Variants in EML1 observed in about 807,000 individuals in gnomAD.
EML1 encodes echinoderm microtubule-associated protein-like 1.
A neutral mutation model predicts 110.4 loss-of-function variants in EML1; 27 were observed. The observed-to-expected ratio is 0.24, with a 90% CI of 0.18 to 0.34. EML1 has a LOEUF of 0.34. Ranked by LOEUF, EML1 falls within the 10% of genes least tolerant of loss-of-function variation. The pLI, the probability that EML1 is intolerant of heterozygous loss-of-function variation, is 1.00. For missense variants in EML1, 741 were observed against 1,030.9 expected (o/e 0.72, Z 3.85); for synonymous variants, 344 against 385.8 (o/e 0.89, Z 1.27).
At chr14:99,789,325 C>T (rs1190880769), upstream of EML1, among the ~76,000 whole-genome samples, 1 of 152,210 alleles carries the variant, frequency 6.6e-6, no homozygotes, top group Non-Finnish European at 1.5e-5. Context: ...TCTCATGCCT[C>T]AGCCTCCTGA....
upstream of EML1, among the ~76,000 whole-genome samples, chr14:99,788,444 T>A (rs1313901180): frequency 6.6e-6 from 1 of 152,046 alleles, no homozygotes; most frequent in East Asian, 1.9e-4. Flanking sequence ...TTAAAAACTG[T>A]GTTAGAATAT....
chr14:99,900,330 G>C (rs1004280913), intron 8 of EML1, among the ~76,000 whole-genome samples: 2 of 151,866 alleles, frequency 1.3e-5, no homozygotes, highest in Non-Finnish European at 2.9e-5. Flanking sequence ...TGGGATTACA[G>C]GCATGCACTA....
chr14:99,869,352 G>T (rs935186927), intron 3 of EML1, among the ~76,000 whole-genome samples: 3 of 151,838 alleles, frequency 2.0e-5, no homozygotes, highest in Non-Finnish European at 2.9e-5. Context: ...AATTGTTTTG[G>T]GGCACCAAAA....
intron 1 of EML1, among the ~76,000 whole-genome samples, chr14:99,845,632 A>G (rs1222007009): frequency 2.0e-5 from 3 of 152,208 alleles, no homozygotes; most frequent in South Asian, 2.1e-4. Flanking sequence ...GACTTACACA[A>G]TATTTTTTTT....
intron 1 of EML1, among the ~76,000 whole-genome samples, chr14:99,764,426 G>A (rs749710545): frequency 9.2e-5 from 14 of 152,226 alleles, no homozygotes; most frequent in Middle Eastern, 3.2e-3. Context: ...CCTGGCCACC[G>A]TCCTGGCCGA....
Position 99,812,499 on chromosome 14 carries a change from C to T in EML1, c.67+18956C>T, listed in dbSNP as rs760245965. Reference sequence around the variant, plus strand: ...AGGTGCTGTCAGATCTCTTCCCTGCCGTCCACCTCCCAGTGACCATTCCTC... The same window carrying T: ...AGGTGCTGTCAGATCTCTTCCCTGCTGTCCACCTCCCAGTGACCATTCCTC... On this transcript the variant is annotated intron_variant, in intron 1 of 21. Transcript: ENST00000262233. 9.9e-5 allele frequency among the ~76,000 whole-genome samples: 15 copies of T among 151,952 alleles called. 1 individual carries two copies. The highest frequency in any genetic ancestry group is 4.2e-4 in the South Asian group (2 of 4,796).
intron 19 of EML1, among the ~76,000 whole-genome samples, chr14:99,937,412 T>C (rs1347553229): frequency 2.0e-5 from 3 of 151,902 alleles, no homozygotes; most frequent in African/African-American, 7.3e-5. Context: ...CTGGTTTCAA[T>C]AACCTCCATT....
intron 1 of EML1, 57 bp downstream of exon 1, chr14:99,793,600 A>G (rs2057710764): frequency 1.3e-5 from 13 of 979,982 alleles, no homozygotes; most frequent in South Asian, 4.6e-5. Flanking sequence ...GGCGGCGGCG[A>G]CGGCGACGGC....
intron 3 of EML1, among the ~76,000 whole-genome samples, chr14:99,875,326 A>G (rs535376336): frequency 3.3e-5 from 5 of 152,282 alleles, no homozygotes; most frequent in African/African-American, 1.2e-4. Flanking sequence ...AAATGAGGAT[A>G]ATGATATTGC....
chr14:99,853,468 C>T (rs748936579), intron 2 of EML1, among the ~76,000 whole-genome samples: 18 of 151,816 alleles, frequency 1.2e-4, no homozygotes, highest in Middle Eastern at 3.2e-3. Context: ...GCAGCTGCCA[C>T]GTGGGCACTT....
upstream of EML1, among the ~76,000 whole-genome samples, chr14:99,771,451 C>T (rs1030626349): frequency 2.0e-5 from 3 of 152,204 alleles, no homozygotes; most frequent in African/African-American, 7.2e-5. Flanking sequence ...GTGGATAAAC[C>T]ACATTTGCCT....
intron 1 of EML1, among the ~76,000 whole-genome samples, chr14:99,809,871 T>C (rs1472474600): frequency 6.6e-6 from 1 of 152,216 alleles, no homozygotes; most frequent in Non-Finnish European, 1.5e-5. Context: ...TTCTGGGATA[T>C]TGGCTAATGT....
intron 1 of EML1, among the ~76,000 whole-genome samples, chr14:99,794,625 C>G (rs549707634): frequency 1.3e-5 from 2 of 152,142 alleles, no homozygotes; most frequent in Middle Eastern, 3.2e-3. Context: ...TGAAATTTAT[C>G]ATCTTGTTCA....
chr14:99,764,229 C>T (rs1341606880), intron 1 of EML1, among the ~76,000 whole-genome samples: 1 of 152,218 alleles, frequency 6.6e-6, no homozygotes, highest in Non-Finnish European at 1.5e-5. Flanking sequence ...TGCCTCCTCC[C>T]CCAGCTCACA....
chr14:99,933,558 TC>T (rs2140126759), intron 17 of EML1, among the ~76,000 whole-genome samples: 1 of 152,354 alleles, frequency 6.6e-6, no homozygotes, highest in Admixed American at 6.5e-5. Flanking sequence ...TTTCAGCTGT[TC>T]TTTACCCTAA....
chr14:99,746,053 C>T (rs571301255), intron 1 of EML1, among the ~76,000 whole-genome samples: 6 of 152,320 alleles, frequency 3.9e-5, no homozygotes, highest in South Asian at 4.1e-4. Flanking sequence ...AAAATGGCGG[C>T]TCCCCCTCCC....
chr14:99,848,961 A>T (rs376081479), intron 1 of EML1, among the ~76,000 whole-genome samples: 1 of 13,088 alleles, frequency 7.6e-5, no homozygotes, highest in African/African-American at 4.8e-4. Context: ...AGACCCTGTC[A>T]AAAAAAAAAA....
chr14:99,920,340 G>A (rs1228792206), intron 16 of EML1, among the ~76,000 whole-genome samples: 4 of 152,116 alleles, frequency 2.6e-5, no homozygotes, highest in Admixed American at 2.0e-4. Flanking sequence ...TCTGTCTGCA[G>A]CACCATTGGG....
At chr14:99,891,458 C>G (rs2059586739) in intron 5 of EML1, among the ~76,000 whole-genome samples, 1 of 152,198 alleles carries the variant, frequency 6.6e-6, no homozygotes, top group African/African-American at 2.4e-5. Flanking sequence ...TCTCCAAAAC[C>G]AACGTAAGAC....
Sources: gnomAD v4.1 joint callset for allele counts (sites outside exome capture counted in the v4.1 genomes callset) on GRCh38, gnomAD v4.1.1 for gene constraint, MANE v1.5 for transcripts, NCBI Gene and HGNC (gene_info 2026-07-23, HGNC 2026-07-21) for gene names.